HIRA: variants seen among roughly 807,000 people sequenced by gnomAD.
HIRA encodes the protein histone cell cycle regulator, also known as protein HIRA.
HIRA carries 13 observed loss-of-function variants against 126.6 expected under a neutral mutation model. The observed-to-expected ratio is 0.10, with a 90% CI of 0.07 to 0.16. HIRA has a LOEUF of 0.16. HIRA is among the 10% of genes least tolerant of loss of function. HIRA has a pLI of 1.00. For missense variants in HIRA, 834 were observed against 1,314.4 expected, an observed-to-expected ratio of 0.63 and a Z score of 5.65; for synonymous variants, 511 against 520.0, an observed-to-expected ratio of 0.98 and a Z score of 0.24.
intron 13 of HIRA, among the ~76,000 whole-genome samples, chr22:19,380,156 A>G (rs1456382786): frequency 2.0e-5 from 3 of 152,174 alleles, no homozygotes; most frequent in Non-Finnish European, 2.9e-5. Flanking sequence ...TGTACTCTAA[A>G]TTGTCATTTA....
intron 1 of HIRA, among the ~76,000 whole-genome samples, chr22:19,419,773 C>A (rs2089428614): frequency 6.6e-6 from 1 of 152,200 alleles, no homozygotes; most frequent in Admixed American, 6.5e-5. Context: ...ATTCAAACAC[C>A]TTCAGTATCA....
chr22:19,382,767 C>A (rs796422258), intron 13 of HIRA, among the ~76,000 whole-genome samples: 3 of 134,288 alleles, frequency 2.2e-5, no homozygotes, highest in Admixed American at 1.4e-4. Context: ...TATCATTTTT[C>A]TTTCTTTTTT....
chr22:19,427,546 A>G (rs144624362), intron 1 of HIRA, among the ~76,000 whole-genome samples: 174 of 152,344 alleles, frequency 1.1e-3, no homozygotes, highest in African/African-American at 3.8e-3. Context: ...ATCCAATCGC[A>G]GGACAGGAGA....
chr22:19,402,044 GT>G lies in HIRA; in HGVS notation c.397+3741del, dbSNP rs570907094. 2.6e-3 allele frequency among the ~76,000 whole-genome samples: 401 copies of G among 152,264 alleles called. 3 individuals carry two copies. The highest frequency in any genetic ancestry group is 3.6e-3 in the Non-Finnish European group (247 of 68,024). On this transcript the variant is annotated intron_variant, in intron 5 of 24. Coordinates refer to ENST00000263208, the MANE Select transcript of HIRA (RefSeq NM_003325.4). Reference sequence around the variant, plus strand: ...ATGCTCCAAGGCCTTCGCACTGGCTGTCCCCTCACTGCCGTCCAGTCTTCCC... The same window carrying G: ...ATGCTCCAAGGCCTTCGCACTGGCTGCCCCTCACTGCCGTCCAGTCTTCCC...
At chr22:19,428,845 C>T (rs1047763839) in intron 1 of HIRA, among the ~76,000 whole-genome samples, 1 of 152,142 alleles carries the variant, frequency 6.6e-6, no homozygotes, top group African/African-American at 2.4e-5. Flanking sequence ...AACAAGGAAG[C>T]CAGAAAGTGC....
chr22:19,416,185 G>A (rs2089396087), intron 1 of HIRA, among the ~76,000 whole-genome samples: 1 of 152,234 alleles, frequency 6.6e-6, no homozygotes, highest in Non-Finnish European at 1.5e-5. Flanking sequence ...GCAAAAGAAT[G>A]AAGTTGGATC....
At chr22:19,337,624 T>C (rs551646216) in intron 24 of HIRA, among the ~76,000 whole-genome samples, 11 of 152,276 alleles carry the variant, frequency 7.2e-5, no homozygotes, top group Admixed American at 1.3e-4. Context: ...CTGACCTTGC[T>C]AGAGATCTAG....
chr22:19,335,696 C>CA (rs1254208914), intron 24 of HIRA, among the ~76,000 whole-genome samples: 2 of 152,166 alleles, frequency 1.3e-5, no homozygotes, highest in Admixed American at 6.5e-5. Context: ...AATAGCCCCC[C>CA]CTATTTTTCC....
At chr22:19,429,790 T>A (rs184901416) in intron 1 of HIRA, among the ~76,000 whole-genome samples, 62 of 152,342 alleles carry the variant, frequency 4.1e-4, no homozygotes, top group African/African-American at 1.4e-3. Context: ...GAAGAGAGGC[T>A]GGAGAAGGGT....
chr22:19,355,638 C>G (rs1229284024), intron 21 of HIRA, 122 bp downstream of exon 21: 22 of 677,058 alleles, frequency 3.2e-5, no homozygotes, highest in Non-Finnish European at 5.6e-5. Context: ...AGCCTGCACT[C>G]CAGGGCCTGA....
intron 19 of HIRA, 64 bp downstream of exon 19, chr22:19,356,826 T>TG: frequency 6.0e-6 from 9 of 1,489,638 alleles, no homozygotes; most frequent in Non-Finnish European, 8.3e-6. Context: ...TGCAGTGAGG[T>TG]GGGGCCTACA....
chr22:19,344,315 A>T (rs2146177015), intron 24 of HIRA, among the ~76,000 whole-genome samples: 1 of 152,266 alleles, frequency 6.6e-6, no homozygotes, highest in Non-Finnish European at 1.5e-5. Context: ...AAATAATGAA[A>T]ATCAAAAATG....
chr22:19,398,589 C>G (rs767107981), intron 5 of HIRA, among the ~76,000 whole-genome samples: 4 of 152,258 alleles, frequency 2.6e-5, no homozygotes, highest in Non-Finnish European at 5.9e-5. Context: ...CAGACCCTGA[C>G]AGGAGTACCC....
intron 5 of HIRA, chr22:19,399,044 G>A: frequency 1.3e-6 from 1 of 775,906 alleles, no homozygotes; most frequent in Non-Finnish European, 1.6e-6. Context: ...AGGATTAAAT[G>A]TGATAAACTG....
At chr22:19,379,417 G>T (rs563586218) in intron 13 of HIRA, among the ~76,000 whole-genome samples, 1 of 151,022 alleles carries the variant, frequency 6.6e-6, no homozygotes. Flanking sequence ...ACGAGGTCAA[G>T]AGTTCGAGAC....
intron 1 of HIRA, among the ~76,000 whole-genome samples, 183 bp downstream of exon 1, chr22:19,431,257 C>T (rs1043938583): frequency 4.6e-5 from 7 of 152,168 alleles, no homozygotes; most frequent in East Asian, 1.9e-4. Context: ...ACCCGGAGCA[C>T]GTGCTGGGGC....
chr22:19,419,355 C>T (rs989804417), intron 1 of HIRA, among the ~76,000 whole-genome samples: 3 of 152,202 alleles, frequency 2.0e-5, no homozygotes, highest in Admixed American at 2.0e-4. Flanking sequence ...CCCCCACCAT[C>T]GCTGGTCTTC....
chr22:19,370,999 C>T (rs529292634), intron 15 of HIRA, among the ~76,000 whole-genome samples: 1 of 152,344 alleles, frequency 6.6e-6, no homozygotes, highest in East Asian at 1.9e-4. Context: ...AAGGGCTATC[C>T]TCCTGGCTTC....
At position 19,333,275 on chromosome 22, in the gene HIRA, C is replaced by T. The variant is rs117875506; in HGVS notation, c.2938-1719G>A. Among the ~76,000 whole-genome samples the T allele has an allele frequency of 7.6e-3, 1,152 of 151,852 alleles. 28 individuals are homozygous for T. Among genetic ancestry groups the T allele is most frequent in the East Asian group, 0.069 (356 of 5,172 alleles). ...GATTAATCAAGAAAGAGAGAGAAAG[C>T]TTAAAGAAATAATATTAGAAATAAA... On this transcript the variant is annotated intron_variant, in intron 24 of 24. Coordinates refer to ENST00000263208, the MANE Select transcript of HIRA (RefSeq NM_003325.4).
Sources: gnomAD v4.1 joint callset for allele counts (sites outside exome capture counted in the v4.1 genomes callset) on GRCh38, gnomAD v4.1.1 for gene constraint, MANE v1.5 for transcripts, NCBI Gene and HGNC (gene_info 2026-07-23, HGNC 2026-07-21) for gene names.